ABI3BP: variants seen among roughly 807,000 people sequenced by gnomAD.
ABI3BP encodes target of Nesh-SH3.
A neutral mutation model predicts 268.6 loss-of-function variants in ABI3BP; 216 were observed. That is an observed-to-expected ratio of 0.80 (90% confidence interval 0.72 to 0.90). ABI3BP has a LOEUF of 0.90. Ranked by LOEUF, ABI3BP falls within the 40% of genes least tolerant of loss-of-function variation. ABI3BP has a pLI of 0.00. For missense variants in ABI3BP, 2,090 were observed against 2,182.4 expected, an observed-to-expected ratio of 0.96 and a Z score of 0.84; for synonymous variants, 730 against 730.0, an observed-to-expected ratio of 1.00 and a Z score of 0.00.
intron 4 of ABI3BP, among the ~76,000 whole-genome samples, chr3:100,891,229 T>G (rs958395242): frequency 6.6e-6 from 1 of 152,210 alleles, no homozygotes; most frequent in South Asian, 2.1e-4. Flanking sequence ...TGGTCAACTA[T>G]TTCTAAGATC....
At position 100,808,284 on chromosome 3, in the gene ABI3BP, C is replaced by T. The variant is rs1302729913; in HGVS notation, c.3608-49G>A. ...GAAATCTTGAGCCCTTCAAGAATGA[C>T]AGTACCTAAGCCTCTAGAAGCTCAG... On this transcript the variant is annotated intron_variant, in intron 49 of 67. Transcript: ENST00000471714. 4 of 1,422,950 alleles carry T rather than the reference C, an allele frequency of 2.8e-6. No individual in the cohort carries two copies. The Admixed American group carries it at 6.3e-5, about 22-fold the overall frequency. 88.1% of individuals were successfully genotyped at this position (1,422,950 alleles called of 1,614,324 possible).
intron 1 of ABI3BP, among the ~76,000 whole-genome samples, chr3:100,948,311 T>C (rs1435543960): frequency 6.6e-6 from 1 of 152,130 alleles, no homozygotes; most frequent in Non-Finnish European, 1.5e-5. Flanking sequence ...CACAAGTTCT[T>C]AGCAACAAGC....
In ABI3BP at chr3:100,838,479, A is replaced by G. The variant is rs933523417; in HGVS notation, c.1946-15T>C. ...TGGTTTTGAGGCTAAAGAAAAAGGT[A>G]TTAAAATTACCACAATGGGTCATGG... On this transcript the variant is annotated splice_polypyrimidine_tract_variant and intron_variant, in intron 24 of 67. Coordinates refer to ENST00000471714, the MANE Select transcript of ABI3BP (RefSeq NM_001375547.2). 2.0e-6 allele frequency: 3 copies of G among 1,531,976 alleles called. No individual in the cohort carries two copies. The highest frequency in any genetic ancestry group is 2.6e-6 in the Non-Finnish European group (3 of 1,143,390). The allele number at this position is 1,531,976 out of a possible 1,614,324, so 94.9% of individuals were successfully genotyped here. A position where few individuals can be genotyped will look rare whatever the true frequency, so the allele number is the denominator to read the frequency against.
intron 1 of ABI3BP, among the ~76,000 whole-genome samples, chr3:100,985,997 G>A (rs2091652798): frequency 6.6e-6 from 1 of 152,172 alleles, no homozygotes; most frequent in African/African-American, 2.4e-5. Flanking sequence ...CAACTTGTAT[G>A]GTAAACCTGT....
rs547345487 is a variant in ABI3BP, at chr3:100,749,380, G to C, written c.*1115C>G. The stretch of plus-strand genomic sequence containing the variant: ...TTTATTGCAGAATTTATACTTGTTT[G>C]AAAAATACAAAATGTAGCGTTGATA... On this transcript the variant is annotated 3_prime_UTR_variant, in exon 68 of 68. Transcript: ENST00000471714. 9.7e-6 allele frequency: 3 copies of C among 308,686 alleles called. No homozygotes were observed. Among genetic ancestry groups the C allele is most frequent in the Admixed American group, 1.1e-4 (2 of 18,348 alleles). 19.1% of individuals were successfully genotyped at this position (308,686 alleles called of 1,614,324 possible).
At chr3:100,796,671 C>T (rs893335800) in intron 51 of ABI3BP, among the ~76,000 whole-genome samples, 1 of 152,010 alleles carries the variant, frequency 6.6e-6, no homozygotes, top group African/African-American at 2.4e-5. Context: ...GGCAGTGAAA[C>T]AGAAACGAAG....
At chr3:100,961,399 C>T (rs573345375) in intron 1 of ABI3BP, among the ~76,000 whole-genome samples, 11 of 152,206 alleles carry the variant, frequency 7.2e-5, no homozygotes, top group African/African-American at 1.9e-4. Context: ...TGAGGTTGAC[C>T]GCAATAAACC....
intron 46 of ABI3BP, 32 bp from the exon 47 acceptor site, chr3:100,811,831 G>A (rs2097866782): frequency 6.7e-7 from 1 of 1,494,900 alleles, no homozygotes; most frequent in East Asian, 2.5e-5. Context: ...CTGGTTAGTG[G>A]TGGCCAACCC....
At chr3:100,844,564 C>T in intron 20 of ABI3BP, 1 of 513,042 alleles carries the variant, frequency 1.9e-6, no homozygotes, top group South Asian at 8.4e-5. Context: ...GGTGTATTTG[C>T]TCTTCCAAAC....
At chr3:100,829,342 G>C (rs1298766084) in intron 33 of ABI3BP, among the ~76,000 whole-genome samples, 2 of 152,112 alleles carry the variant, frequency 1.3e-5, no homozygotes, top group Non-Finnish European at 2.9e-5. Flanking sequence ...TTCTCTGGCT[G>C]TTTCACTTTA....
chr3:100,798,549 A>C (rs1282220948), intron 51 of ABI3BP, among the ~76,000 whole-genome samples: 1 of 151,788 alleles, frequency 6.6e-6, no homozygotes, highest in Non-Finnish European at 1.5e-5. Flanking sequence ...TTTCTTTATA[A>C]TAATATTTAC....
chr3:100,789,416 G>A (rs1400723580), intron 56 of ABI3BP, 38 bp downstream of exon 56: 1 of 1,569,590 alleles, frequency 6.4e-7, no homozygotes, highest in African/African-American at 1.4e-5. Flanking sequence ...ATCTTCCCCT[G>A]CCTGCTGATT....
rs755897114 is a variant in ABI3BP, at chr3:100,775,324, A to G, written c.4345T>C (p.Ser1449Pro). The change falls in exon 60 of 68, where the codon TCA becomes CCA. Residue 1449 changes from serine (S) to proline (P), a missense_variant. Ser to Pro is a moderately conservative substitution (Grantham distance 74). Coordinates refer to ENST00000471714, the MANE Select transcript of ABI3BP (RefSeq NM_001375547.2). ...AGGGGTGGTGTAGTTATTGGGCCTG[A>G]TGAAATGATTCCTGTAAAGTAGAGC... is the stretch of plus-strand genomic sequence containing the variant. ...GKPGSAGIIS[S>P]GPITTPPLRS... 7 of 1,605,388 alleles carry G rather than the reference A, an allele frequency of 4.4e-6. No individual in the cohort carries two copies. The South Asian group carries it at 7.8e-5, about 18-fold the overall frequency.
At chr3:100,919,376 G>A (rs533065547) in intron 2 of ABI3BP, among the ~76,000 whole-genome samples, 1 of 152,158 alleles carries the variant, frequency 6.6e-6, no homozygotes, top group South Asian at 2.1e-4. Flanking sequence ...TGATAGAGAA[G>A]AAGAGAACAA....
chr3:100,890,666 C>G (rs1582138333), intron 4 of ABI3BP, among the ~76,000 whole-genome samples: 1 of 152,158 alleles, frequency 6.6e-6, no homozygotes, highest in Non-Finnish European at 1.5e-5. Context: ...CAAAATGTCT[C>G]TATTTCTTTG....
chr3:100,786,533 G>A (rs2097051549), intron 57 of ABI3BP, among the ~76,000 whole-genome samples: 1 of 152,152 alleles, frequency 6.6e-6, no homozygotes, highest in Non-Finnish European at 1.5e-5. Flanking sequence ...TTTCAAGTGT[G>A]ATCACAGCTA....
intron 14 of ABI3BP, among the ~76,000 whole-genome samples, chr3:100,853,018 A>G (rs971217024): frequency 1.3e-5 from 2 of 152,226 alleles, no homozygotes. Context: ...AGGAGCTCAC[A>G]GGAAGACGTA....
At chr3:100,963,270 A>T (rs1218882586) in intron 1 of ABI3BP, among the ~76,000 whole-genome samples, 14 of 152,204 alleles carry the variant, frequency 9.2e-5, no homozygotes, top group Admixed American at 9.2e-4. Context: ...CAAAGTTATG[A>T]TTCACATTCT....
chr3:100,916,011 G>C (rs1451647551), intron 2 of ABI3BP, among the ~76,000 whole-genome samples: 2 of 152,166 alleles, frequency 1.3e-5, no homozygotes, highest in African/African-American at 2.4e-5. Flanking sequence ...CATTAAAATT[G>C]TTGGCTTTAT....
Sources: gnomAD v4.1 joint callset for allele counts (sites outside exome capture counted in the v4.1 genomes callset) on GRCh38, gnomAD v4.1.1 for gene constraint, MANE v1.5 for transcripts, NCBI Gene and HGNC (gene_info 2026-07-23, HGNC 2026-07-21) for gene names.